EVI5: variants seen among roughly 807,000 people sequenced by gnomAD.
EVI5 encodes ecotropic viral integration site 5 protein homolog.
EVI5 carries 73 observed loss-of-function variants against 112.0 expected under a neutral mutation model. The observed-to-expected ratio is 0.65, with a 90% CI of 0.54 to 0.79. The LOEUF (loss-of-function observed/expected upper bound fraction) is 0.79. Ranked by LOEUF, EVI5 falls within the 30% of genes least tolerant of loss-of-function variation. The pLI, the probability that EVI5 is intolerant of heterozygous loss-of-function variation, is 0.00. For missense variants in EVI5, 900 were observed against 968.8 expected, an observed-to-expected ratio of 0.93 and a Z score of 0.94; for synonymous variants, 305 against 319.9, an observed-to-expected ratio of 0.95 and a Z score of 0.50.
intron 19 of EVI5, among the ~76,000 whole-genome samples, chr1:92,535,815 G>A (rs936692003): frequency 1.3e-5 from 2 of 151,978 alleles, no homozygotes; most frequent in East Asian, 1.9e-4. Flanking sequence ...TGTAGATGAC[G>A]GGTTGATGGG....
At chr1:92,752,927 A>G (rs1558204062) in intron 1 of EVI5, among the ~76,000 whole-genome samples, 1 of 152,218 alleles carries the variant, frequency 6.6e-6, no homozygotes, top group Non-Finnish European at 1.5e-5. Flanking sequence ...TAAACAAAAT[A>G]GACATGGTCC....
At chr1:92,664,540 T>TG (rs1185958130) in intron 11 of EVI5, among the ~76,000 whole-genome samples, 1 of 149,564 alleles carries the variant, frequency 6.7e-6, no homozygotes, top group Non-Finnish European at 1.5e-5. Context: ...AGATATTTAG[T>TG]GGGAAAAAAG....
chr1:92,716,328 G>C (rs1194079899), intron 2 of EVI5, among the ~76,000 whole-genome samples: 1 of 152,164 alleles, frequency 6.6e-6, no homozygotes, highest in Non-Finnish European at 1.5e-5. Flanking sequence ...AGGCAAACAG[G>C]GTCTGGAGTG....
chr1:92,770,617 T>C (rs918718303), intron 1 of EVI5, among the ~76,000 whole-genome samples: 7 of 151,824 alleles, frequency 4.6e-5, no homozygotes, highest in Admixed American at 1.3e-4. Flanking sequence ...AGTGAAACCC[T>C]GATTCTACTA....
chr1:92,581,050 A>G (rs920616409), intron 18 of EVI5, among the ~76,000 whole-genome samples: 5 of 152,138 alleles, frequency 3.3e-5, no homozygotes, highest in Non-Finnish European at 7.3e-5. Context: ...TATAAACTAA[A>G]TTGTTGTGCT....
chr1:92,590,586 A>G (rs968238635), intron 18 of EVI5, among the ~76,000 whole-genome samples: 1 of 152,152 alleles, frequency 6.6e-6, no homozygotes, highest in Non-Finnish European at 1.5e-5. Context: ...AAAGAAATGA[A>G]CAGTCTCCAA....
At chr1:92,633,780 G>A (rs78291589) in intron 14 of EVI5, among the ~76,000 whole-genome samples, 1 of 152,220 alleles carries the variant, frequency 6.6e-6, no homozygotes, top group South Asian at 2.1e-4. Context: ...TAGCCTCTAT[G>A]GTCTTTACAA....
chr1:92,776,370 T>TA (rs1010853514), intron 1 of EVI5, among the ~76,000 whole-genome samples: 1 of 152,120 alleles, frequency 6.6e-6, no homozygotes. Context: ...GCTACTGACT[T>TA]AGTGTTTTAA....
At chr1:92,732,467 T>C (rs560957596) in intron 2 of EVI5, 14 of 200,398 alleles carry the variant, frequency 7.0e-5, no homozygotes, top group Middle Eastern at 3.9e-3. Flanking sequence ...TGGAGATATA[T>C]CACTGCCACA....
At chr1:92,699,715 G>A (rs1670849754) in intron 5 of EVI5, among the ~76,000 whole-genome samples, 1 of 152,082 alleles carries the variant, frequency 6.6e-6, no homozygotes, top group African/African-American at 2.4e-5. Flanking sequence ...GAATACTGTA[G>A]GCCAACTGTA....
chr1:92,548,402 A>G (rs1045272210), intron 19 of EVI5, among the ~76,000 whole-genome samples: 14 of 152,186 alleles, frequency 9.2e-5, no homozygotes, highest in African/African-American at 2.4e-4. Context: ...TACTGAATGG[A>G]CAAAAACTGG....
At position 92,663,456 on chromosome 1, in the gene EVI5, CA is replaced by C; in HGVS notation, c.1213-5del. On this transcript the variant is annotated splice_region_variant and splice_polypyrimidine_tract_variant and intron_variant, in intron 11 of 19. Coordinates refer to ENST00000684568, the MANE Select transcript of EVI5 (RefSeq NM_001350197.2). ...TATCTGCCAAGGAAGCACTTTCCTA[CA>C]AAAGGAAAAATTCAGATAGAAATAT... The C allele has an allele frequency of 7.2e-7, 1 of 1,387,558 alleles. No homozygotes were observed. The highest frequency in any genetic ancestry group is 1.4e-5 in the South Asian group (1 of 70,550). The allele number at this position is 1,387,558 out of a possible 1,614,324, so 86.0% of individuals were successfully genotyped here.
At position 92,735,623 on chromosome 1, in the gene EVI5, GAT is replaced by G. The variant is rs1389934874; in HGVS notation, c.149+773_149+774del. Among the ~76,000 whole-genome samples the G allele has an allele frequency of 5.0e-3, 580 of 116,836 alleles. 2 individuals are homozygous for G. The highest frequency in any genetic ancestry group is 6.7e-3 in the Non-Finnish European group (385 of 57,190). The allele number at this position is 116,836 out of a possible 152,430, so 76.6% of individuals were successfully genotyped here. A position where few individuals can be genotyped will look rare whatever the true frequency, so the allele number is the denominator to read the frequency against. ...TATTATGTATTATATATAATTATAT[GAT>G]ATATGATATATGTCATATATATATA... is the stretch of plus-strand genomic sequence containing the variant. On this transcript the variant is annotated intron_variant, in intron 2 of 19. Coordinates refer to ENST00000684568, the MANE Select transcript of EVI5 (RefSeq NM_001350197.2).
rs1231013638 is a variant in EVI5, at chr1:92,703,416, C to A, written c.543G>T (p.Glu181Asp). ...FFKEKDSLGQEVLFNVMKAYS... is the reference protein window; with the variant it reads ...FFKEKDSLGQDVLFNVMKAYS... Reference sequence around the variant, plus strand: ...TTACCTTCATTACATTAAATAAAACCTCCTGTCCAAGGCTATCTTTTTCCT... The same window carrying A: ...TTACCTTCATTACATTAAATAAAACATCCTGTCCAAGGCTATCTTTTTCCT... Residue 181 changes from glutamate (E) to aspartate (D), a missense_variant, in exon 4 of 20, where the codon GAG becomes GAT. Glu to Asp is a conservative substitution (Grantham distance 45). Transcript: ENST00000684568. 2.6e-6 allele frequency: 4 copies of A among 1,567,066 alleles called. No homozygotes were observed. The highest frequency in any genetic ancestry group is 3.4e-6 in the Non-Finnish European group (4 of 1,161,516).
In EVI5 at chr1:92,634,766, A is replaced by T. The variant is rs144878126; in HGVS notation, c.1527+1436T>A. On this transcript the variant is annotated intron_variant, in intron 14 of 19. Transcript: ENST00000684568. ...GGAGAAGAGGCACTCTGCTTTTTAGAATTTTCAGTTTTTCTGCTCTGTTTT... is the reference window on the plus strand; with the variant it reads ...GGAGAAGAGGCACTCTGCTTTTTAGTATTTTCAGTTTTTCTGCTCTGTTTT... Among the ~76,000 whole-genome samples the T allele has an allele frequency of 1.3e-4, 20 of 152,130 alleles. No individual in the cohort carries two copies. In the East Asian group the frequency reaches 3.9e-3, roughly 29 times the overall value.
At chr1:92,783,498 A>AAGAAAAAAAAAAAAAAAAAAAG (rs67308717) in intron 1 of EVI5, among the ~76,000 whole-genome samples, 1 of 128,970 alleles carries the variant, frequency 7.8e-6, no homozygotes, top group Non-Finnish European at 1.6e-5. Context: ...AAAAAAAAAA[A>AAGAAAAAAAAAAAAAAAAAAAG]AAAAAAAAAG....
chr1:92,563,647 G>C lies in EVI5; in HGVS notation c.2161C>G (p.His721Asp), dbSNP rs780295558. ...GATCAAAATTTATCACTTACCTCAT[G>C]ATTCAGCTCTGCTATCTGATCTTTC... is the stretch of plus-strand genomic sequence containing the variant. ...ELKDQIAELN[H>D]ELRCLKGQRG... is the part of the protein sequence containing the mutation. The change falls in exon 19 of 20, where the codon CAT becomes GAT. Residue 721 changes from histidine to aspartate, a missense_variant. Transcript: ENST00000684568. 11 of 1,553,036 alleles carry C rather than the reference G, an allele frequency of 7.1e-6. No individual in the cohort carries two copies. The Middle Eastern group carries it at 5.1e-4, about 72-fold the overall frequency.
At chr1:92,708,688 G>A (rs975428150) in intron 2 of EVI5, among the ~76,000 whole-genome samples, 3 of 151,766 alleles carry the variant, frequency 2.0e-5, no homozygotes, top group East Asian at 3.8e-4. Context: ...CATTATTCAT[G>A]ATATCAAAAA....
intron 18 of EVI5, among the ~76,000 whole-genome samples, chr1:92,566,058 A>G (rs184109542): frequency 6.7e-6 from 1 of 150,176 alleles, no homozygotes; most frequent in Non-Finnish European, 1.5e-5. Flanking sequence ...TGTCCTCCCT[A>G]CCCAAATTGT....
Sources: gnomAD v4.1 joint callset for allele counts (sites outside exome capture counted in the v4.1 genomes callset) on GRCh38, gnomAD v4.1.1 for gene constraint, MANE v1.5 for transcripts, NCBI Gene and HGNC (gene_info 2026-07-23, HGNC 2026-07-21) for gene names.